Variants in WNK2 observed in about 807,000 individuals in gnomAD.
The protein encoded by WNK2 is serine/threonine-protein kinase WNK2.
A neutral mutation model predicts 192.1 loss-of-function variants in WNK2; 67 were observed. That is an observed-to-expected ratio of 0.35 (90% CI 0.29 to 0.43). The LOEUF is 0.43. WNK2 is among the 20% of genes least tolerant of loss of function. The probability of loss-of-function intolerance (pLI) is 1.00; values close to 1 mark genes in which losing one functional copy is unlikely to be tolerated. For synonymous variants in WNK2, 1,439 were observed against 1,393.9 expected (o/e 1.03, Z -0.72); for missense variants, 2,698 against 3,089.7 (o/e 0.87, Z 3.01).
chr9:93,185,500 G>C lies in WNK2; in HGVS notation c.571G>C (p.Asp191His). ...DDLKAVATSLDGRFLKFDIEL... is the reference protein window; with the variant it reads ...DDLKAVATSLHGRFLKFDIEL... ...CCTCAAGGCCGTGGCCACCTCTCTG[G>C]ACGGCCGCTTCCTCAAGTTCGACAT... Residue 191 changes from aspartate (D) to histidine (H), a missense_variant, in exon 2 of 30, where the codon GAC becomes CAC. Physicochemically the swap from Asp to His is moderately conservative, Grantham distance 81. Transcript: ENST00000427277. 1 of 1,612,938 alleles carries C rather than the reference G, an allele frequency of 6.2e-7. No individual in the cohort carries two copies. Among genetic ancestry groups the C allele is most frequent in the Non-Finnish European group, 8.5e-7 (1 of 1,179,780 alleles).
intron 16 of WNK2, among the ~76,000 whole-genome samples, chr9:93,265,118 C>A (rs1314667946): frequency 6.6e-6 from 1 of 152,236 alleles, no homozygotes; most frequent in Non-Finnish European, 1.5e-5. Flanking sequence ...TAATCCCCCG[C>A]AGCATTAGAG....
intron 5 of WNK2, among the ~76,000 whole-genome samples, chr9:93,236,432 T>A (rs1839827347): frequency 6.6e-6 from 1 of 152,212 alleles, no homozygotes; most frequent in Non-Finnish European, 1.5e-5. Context: ...TGCTTTATGT[T>A]CTCTATATTA....
chr9:93,307,662 G>T (rs188184161), intron 27 of WNK2: 1 of 152,302 alleles, frequency 6.6e-6, no homozygotes, highest in African/African-American at 2.4e-5. Flanking sequence ...GTGGGGCCGC[G>T]TCAGGCAGCC....
intron 28 of WNK2, among the ~76,000 whole-genome samples, chr9:93,309,899 C>T (rs1379091974): frequency 6.6e-6 from 1 of 152,178 alleles, no homozygotes; most frequent in Non-Finnish European, 1.5e-5. Flanking sequence ...TTTTCATTAA[C>T]CTTTGTTTGA....
At position 93,186,422 on chromosome 9, in the gene WNK2, C is replaced by T. The variant is rs572518615; in HGVS notation, c.681+812C>T. ...AACAGCCACCTTAGCTGTCCTGGGA[C>T]AGCCTAGGAAGCAGAGGCCATGCCT... On this transcript the variant is annotated intron_variant, in intron 2 of 29. Coordinates refer to ENST00000427277, the MANE Select transcript of WNK2 (RefSeq NM_006648.4). 2.0e-5 allele frequency among the ~76,000 whole-genome samples: 3 copies of T among 152,326 alleles called. No homozygotes were observed. The East Asian group carries it at 5.8e-4, about 29-fold the overall frequency.
At chr9:93,200,168 G>A (rs918512427) in intron 2 of WNK2, among the ~76,000 whole-genome samples, 4 of 152,188 alleles carry the variant, frequency 2.6e-5, no homozygotes, top group African/African-American at 9.7e-5. Flanking sequence ...TCCATTGAGT[G>A]GAATTATTGG....
intron 7 of WNK2, among the ~76,000 whole-genome samples, chr9:93,242,550 C>T (rs1840954586): frequency 6.6e-6 from 1 of 152,258 alleles, no homozygotes; most frequent in Non-Finnish European, 1.5e-5. Flanking sequence ...GCTGTCCGTT[C>T]ACACATTCAT....
chr9:93,229,581 G>A lies in WNK2; in HGVS notation c.682-115G>A. 8.3e-7 allele frequency: 1 copy of A among 1,204,184 alleles called. No homozygotes were observed. Among genetic ancestry groups the A allele is most frequent in the Non-Finnish European group, 1.2e-6 (1 of 869,558 alleles). The allele number at this position is 1,204,184 out of a possible 1,614,324, so 74.6% of individuals were successfully genotyped here. Reference sequence around the variant, plus strand: ...GCCCTTCTATCATAGCCGCTTAGCTGCCTGTGGGTATGGGAAGGGCTGGTC... The same window carrying A: ...GCCCTTCTATCATAGCCGCTTAGCTACCTGTGGGTATGGGAAGGGCTGGTC... On this transcript the variant is annotated intron_variant, in intron 2 of 29. Transcript: ENST00000427277. The surrounding 1 kb of genome is among the most constrained non-coding windows in gnomAD (Gnocchi z 4.9).
intron 4 of WNK2, among the ~76,000 whole-genome samples, chr9:93,233,337 TCTGTGTGC>T (rs1839229341): frequency 1.3e-5 from 2 of 152,184 alleles, no homozygotes; most frequent in African/African-American, 2.4e-5. Flanking sequence ...CTTCCAGAGT[TCTGTGTGC>T]CTAAGACTGA....
intron 16 of WNK2, among the ~76,000 whole-genome samples, chr9:93,265,987 T>C (rs984693293): frequency 1.3e-5 from 2 of 152,276 alleles, no homozygotes; most frequent in African/African-American, 4.8e-5. Flanking sequence ...TCTCATTTTA[T>C]TGCTTTTTCT....
At chr9:93,227,117 CT>C (rs34529839) in intron 2 of WNK2, among the ~76,000 whole-genome samples, 9,731 of 137,520 alleles carry the variant, frequency 0.071, 469 homozygotes, top group African/African-American at 0.15. Flanking sequence ...AAGTATCCAC[CT>C]TTTTTTTTTT....
chr9:93,285,620 T>C (rs1848338940), intron 19 of WNK2, among the ~76,000 whole-genome samples: 1 of 152,172 alleles, frequency 6.6e-6, no homozygotes, highest in African/African-American at 2.4e-5. Flanking sequence ...ACTGGAAGAT[T>C]CAGTATTATA....
rs55672370 is a variant in WNK2, at chr9:93,253,019, C to G, written c.1971C>G (p.Ser657Arg). The change falls in exon 9 of 30, where the codon AGC (serine) becomes AGG (arginine). Residue 657 changes from serine to arginine, a missense_variant. Ser to Arg is a moderately radical substitution (Grantham distance 110, BLOSUM62 -1). Transcript: ENST00000427277. The stretch of plus-strand genomic sequence containing the variant: ...AGTGTGTGTGCAGCCCCCCTGTGAG[C>G]GAGGGGCCCGTCCTGCCGCAGAGCC... ...PAQCVCSPPV[S>R]EGPVLPQSLP... 1 of 1,550,350 alleles carries G rather than the reference C, an allele frequency of 6.5e-7. No homozygotes were observed. Among genetic ancestry groups the G allele is most frequent in the South Asian group, 1.2e-5 (1 of 83,590 alleles).
intron 2 of WNK2, among the ~76,000 whole-genome samples, chr9:93,196,540 T>C (rs578064602): frequency 6.6e-6 from 1 of 152,222 alleles, no homozygotes; most frequent in African/African-American, 2.4e-5. Context: ...CCACATTTGA[T>C]GGTGGGAAAC....
chr9:93,187,968 C>G (rs1188901481), intron 2 of WNK2, among the ~76,000 whole-genome samples: 2 of 152,044 alleles, frequency 1.3e-5, no homozygotes. Flanking sequence ...TGCTCCTTCT[C>G]TAGGTGTGTT....
chr9:93,291,942 G>A (rs1005950906), intron 21 of WNK2, among the ~76,000 whole-genome samples: 1 of 152,170 alleles, frequency 6.6e-6, no homozygotes, highest in African/African-American at 2.4e-5. Context: ...ATTGATCTGC[G>A]CTGTGGGACC....
At chr9:93,225,904 C>CTGTTGTGTTG (rs1188845032) in intron 2 of WNK2, among the ~76,000 whole-genome samples, 3 of 111,178 alleles carry the variant, frequency 2.7e-5, no homozygotes, top group East Asian at 2.6e-4. Context: ...GCATGTCTTT[C>CTGTTGTGTTG]TGTTGTGTTA....
chr9:93,200,801 G>A (rs1832203034), intron 2 of WNK2, among the ~76,000 whole-genome samples: 1 of 152,166 alleles, frequency 6.6e-6, no homozygotes, highest in Non-Finnish European at 1.5e-5. Context: ...GGGTTTAAAA[G>A]GGAGGCATGA....
intron 19 of WNK2, among the ~76,000 whole-genome samples, chr9:93,272,306 G>C (rs1175672928): frequency 1.3e-5 from 2 of 152,164 alleles, no homozygotes; most frequent in Admixed American, 6.5e-5. Flanking sequence ...CCACCAGTGT[G>C]GCAAATGGAA....
Sources: allele counts gnomAD v4.1 joint callset (sites outside exome capture counted in the v4.1 genomes callset), GRCh38; gene constraint gnomAD v4.1.1; non-coding constraint Gnocchi (gnomAD v3.1); transcripts MANE v1.5; gene names NCBI Gene and HGNC (gene_info 2026-07-23, HGNC 2026-07-21).